ASPSCR1: variants seen among roughly 807,000 people sequenced by gnomAD.
ASPSCR1 encodes the protein ASPSCR1 tether for SLC2A4, UBX domain containing, also known as tether containing UBX domain for GLUT4.
Under a neutral mutation model 68.9 loss-of-function variants are expected in ASPSCR1, and 55 were observed. The observed-to-expected ratio is 0.80, with a 90% CI of 0.64 to 1.00. The LOEUF (loss-of-function observed/expected upper bound fraction) is 1.00. ASPSCR1 is among the 50% of genes least tolerant of loss of function. The pLI is 0.00. For missense variants in ASPSCR1, 765 were observed against 762.2 expected (o/e 1.00, Z -0.04); for synonymous variants, 352 against 332.6 (o/e 1.06, Z -0.63).
chr17:81,992,298 C>T (rs1598401434), intron 4 of ASPSCR1, among the ~76,000 whole-genome samples: 1 of 152,262 alleles, frequency 6.6e-6, no homozygotes, highest in East Asian at 1.9e-4. Flanking sequence ...CGGGCCCTGG[C>T]GTCCTGCACA....
chr17:82,001,912 G>A (rs372687952), intron 7 of ASPSCR1, among the ~76,000 whole-genome samples: 10 of 151,998 alleles, frequency 6.6e-5, no homozygotes, highest in South Asian at 2.1e-4. Flanking sequence ...ACACCGTAAC[G>A]TGCCCAGCTC....
chr17:81,981,779 G>A (rs1451205267), intron 2 of ASPSCR1, among the ~76,000 whole-genome samples: 4 of 150,628 alleles, frequency 2.7e-5, no homozygotes, highest in Non-Finnish European at 5.9e-5. Flanking sequence ...AGCGATTATT[G>A]TGCCTCAGCG....
At chr17:81,979,422 C>T (rs1380194769) in intron 2 of ASPSCR1, among the ~76,000 whole-genome samples, 183 bp downstream of exon 2, 1 of 152,190 alleles carries the variant, frequency 6.6e-6, no homozygotes, top group Admixed American at 6.5e-5. Context: ...AGGGAGAATC[C>T]CTCCTGCCTC....
chr17:82,011,683 C>T (rs1286698773), intron 11 of ASPSCR1, 78 bp downstream of exon 11: 3 of 1,505,400 alleles, frequency 2.0e-6, no homozygotes, highest in Non-Finnish European at 2.7e-6. Context: ...CCCGTCCCAG[C>T]TGGGGCTCGT....
chr17:82,007,325 T>A (rs1350289606), intron 7 of ASPSCR1: 1 of 152,192 alleles, frequency 6.6e-6, no homozygotes, highest in Non-Finnish European at 1.5e-5. Flanking sequence ...CGGGTAGGAA[T>A]CTAGGGTGGA....
intron 13 of ASPSCR1, 112 bp from the exon 14 acceptor site, chr17:82,016,688 G>A: frequency 6.9e-7 from 1 of 1,451,416 alleles, no homozygotes; most frequent in Non-Finnish European, 9.4e-7. Flanking sequence ...GACTGGGACA[G>A]CCACCTGCTG....
chr17:82,008,603 T>C (rs1789459619), intron 7 of ASPSCR1: 1 of 161,986 alleles, frequency 6.2e-6, no homozygotes, highest in African/African-American at 2.4e-5. Flanking sequence ...GGGGCAGGCG[T>C]GCATGGATTC....
At chr17:82,010,389 A>C (rs768660102) in intron 9 of ASPSCR1, among the ~76,000 whole-genome samples, 126 of 151,672 alleles carry the variant, frequency 8.3e-4, no homozygotes, top group Admixed American at 1.7e-3. Flanking sequence ...ATTAGTCAGG[A>C]GAGGTGGCGC....
Position 81,996,175 on chromosome 17 carries a change from C to T in ASPSCR1, c.506+110C>T, listed in dbSNP as rs557502726. The T allele has an allele frequency of 7.4e-6, 10 of 1,355,394 alleles. No homozygotes were observed. In the African/African-American group the frequency reaches 1.3e-4, roughly 18 times the overall value. 84.0% of individuals were successfully genotyped at this position (1,355,394 alleles called of 1,614,324 possible). On this transcript the variant is annotated intron_variant, in intron 6 of 15. Coordinates refer to ENST00000306739, the MANE Select transcript of ASPSCR1 (RefSeq NM_024083.4). The stretch of plus-strand genomic sequence containing the variant: ...AAGTGGGGAGTAGGTGTACCCAGGC[C>T]CTCATCATGGAGAGCGCCTGGTGGC...
intron 4 of ASPSCR1, among the ~76,000 whole-genome samples, chr17:81,985,969 G>T (rs187703368): frequency 0.024 from 3,624 of 152,170 alleles, 43 homozygotes; most frequent in East Asian, 0.037. Context: ...GGATCATAAG[G>T]TCTCTTTTTT....
At chr17:82,016,314 G>T (rs1479748210) in intron 12 of ASPSCR1, 162 bp from the exon 13 acceptor site, 6 of 651,184 alleles carry the variant, frequency 9.2e-6, no homozygotes, top group Non-Finnish European at 1.6e-5. Flanking sequence ...CAGGGGTAGG[G>T]CTGGTGTCAG....
intron 4 of ASPSCR1, among the ~76,000 whole-genome samples, chr17:81,992,546 C>T (rs1598401724): frequency 6.6e-6 from 1 of 152,196 alleles, no homozygotes; most frequent in Middle Eastern, 3.2e-3. Flanking sequence ...CCTCCCCAGC[C>T]GTAGAGAAGT....
At chr17:82,002,719 G>A (rs923217657) in intron 7 of ASPSCR1, among the ~76,000 whole-genome samples, 6 of 151,116 alleles carry the variant, frequency 4.0e-5, no homozygotes, top group African/African-American at 7.3e-5. Context: ...CACCATGCCC[G>A]GCTAATTTTT....
At position 81,987,549 on chromosome 17, in the gene ASPSCR1, A is replaced by G. The variant is rs986833732; in HGVS notation, c.374+1942A>G. Among the ~76,000 whole-genome samples the G allele has an allele frequency of 3.3e-5, 5 of 152,062 alleles. No individual in the cohort carries two copies. Among genetic ancestry groups the G allele is most frequent in the Non-Finnish European group, 7.4e-5 (5 of 68,006 alleles). On this transcript the variant is annotated intron_variant, in intron 4 of 15. Transcript: ENST00000306739. This position sits in a 1 kb window ranked among gnomAD's most constrained non-coding sequence, Gnocchi z 5.6. The stretch of plus-strand genomic sequence containing the variant: ...GCTGTCAGTCCTCAGATGGGGATGG[A>G]GGTAAGGAAATGGCCCAGAGTGGCC...
chr17:81,985,641 C>A, intron 4 of ASPSCR1, 34 bp downstream of exon 4: 1 of 1,592,040 alleles, frequency 6.3e-7, no homozygotes, highest in Non-Finnish European at 8.6e-7. Context: ...TCTTCCCTAC[C>A]CTGTTTGCTG....
At chr17:82,009,866 G>T in intron 9 of ASPSCR1, 1 of 326,164 alleles carries the variant, frequency 3.1e-6, no homozygotes, top group Non-Finnish European at 5.8e-6. Context: ...TGGCGCGCAT[G>T]CCCTTAGTGG....
chr17:82,014,738 G>T, intron 12 of ASPSCR1: 1 of 387,738 alleles, frequency 2.6e-6, no homozygotes. Flanking sequence ...CTACAGAGTT[G>T]CTGCCCCGTG....
intron 7 of ASPSCR1, among the ~76,000 whole-genome samples, chr17:82,001,210 C>T (rs1193947371): frequency 1.3e-5 from 2 of 152,166 alleles, no homozygotes; most frequent in African/African-American, 2.4e-5. Flanking sequence ...TACACCCTGC[C>T]TGGGACCCCC....
chr17:81,993,393 T>G (rs1186489935), intron 4 of ASPSCR1, among the ~76,000 whole-genome samples: 1 of 152,140 alleles, frequency 6.6e-6, no homozygotes, highest in East Asian at 1.9e-4. Context: ...TTTTGTATTT[T>G]TAGTAGAGAC....
Sources: gnomAD v4.1 joint callset for allele counts (sites outside exome capture counted in the v4.1 genomes callset) on GRCh38, gnomAD v4.1.1 for gene constraint, Gnocchi (gnomAD v3.1) non-coding constraint, MANE v1.5 for transcripts, NCBI Gene and HGNC (gene_info 2026-07-23, HGNC 2026-07-21) for gene names.